KIF16B: variants seen among roughly 807,000 people sequenced by gnomAD.
The protein encoded by KIF16B is kinesin family member 16B.
Under a neutral mutation model 156.3 loss-of-function variants are expected in KIF16B, and 98 were observed. The ratio of observed to expected loss-of-function variants is 0.63; its 90% CI spans 0.53 to 0.74. KIF16B has a LOEUF of 0.74. KIF16B is among the 30% of genes least tolerant of loss of function. The pLI, the probability that KIF16B is intolerant of heterozygous loss-of-function variation, is 0.00. For missense variants in KIF16B, 1,421 were observed against 1,606.5 expected (o/e 0.88, Z 1.97); for synonymous variants, 564 against 583.7 (o/e 0.97, Z 0.49).
intron 25 of KIF16B, among the ~76,000 whole-genome samples, chr20:16,287,423 T>C (rs370982492): frequency 6.6e-6 from 1 of 152,222 alleles, no homozygotes; most frequent in East Asian, 1.9e-4. Context: ...AGCTCCAAGT[T>C]AAAATTCATC....
chr20:16,376,523 A>G (rs1261188486), intron 19 of KIF16B, among the ~76,000 whole-genome samples: 3 of 152,254 alleles, frequency 2.0e-5, no homozygotes, highest in Non-Finnish European at 4.4e-5. Flanking sequence ...GAAGCACAAC[A>G]GAAATTCCCA....
chr20:16,322,058 GAAAC>G (rs1232900244), intron 24 of KIF16B, among the ~76,000 whole-genome samples: 2 of 151,888 alleles, frequency 1.3e-5, no homozygotes, highest in East Asian at 1.9e-4. Context: ...TAAAACACAG[GAAAC>G]AAACAAATGA....
At chr20:16,335,759 T>G (rs111709610) in intron 24 of KIF16B, among the ~76,000 whole-genome samples, 167 bp downstream of exon 24, 2 of 152,118 alleles carry the variant, frequency 1.3e-5, no homozygotes, top group African/African-American at 4.8e-5. Flanking sequence ...AAGAAAAAAT[T>G]TAAAGTTATC....
chr20:16,563,878 T>C (rs1197709029), intron 1 of KIF16B, among the ~76,000 whole-genome samples: 2 of 152,196 alleles, frequency 1.3e-5, no homozygotes, highest in African/African-American at 2.4e-5. Flanking sequence ...TTGCATCATA[T>C]TACTTATAAA....
intron 12 of KIF16B, among the ~76,000 whole-genome samples, chr20:16,441,928 A>T (rs2066811968): frequency 6.6e-6 from 1 of 152,170 alleles, no homozygotes; most frequent in African/African-American, 2.4e-5. Flanking sequence ...CTAAGTCTAT[A>T]TCTGTATTAT....
chr20:16,296,700 A>G (rs1234230530), intron 25 of KIF16B, among the ~76,000 whole-genome samples: 1 of 152,244 alleles, frequency 6.6e-6, no homozygotes, highest in Non-Finnish European at 1.5e-5. Flanking sequence ...AAGCTCAACA[A>G]ATGGAAAAAT....
At chr20:16,404,419 G>T (rs1034951565) in intron 17 of KIF16B, among the ~76,000 whole-genome samples, 4 of 152,092 alleles carry the variant, frequency 2.6e-5, no homozygotes, top group African/African-American at 4.8e-5. Context: ...CCATTGGATG[G>T]CCTAAGAATC....
intron 12 of KIF16B, among the ~76,000 whole-genome samples, chr20:16,432,184 G>T (rs1424011030): frequency 6.6e-6 from 1 of 152,096 alleles, no homozygotes; most frequent in Non-Finnish European, 1.5e-5. Flanking sequence ...GTCTGAAGTA[G>T]AAAGCAGACA....
intron 1 of KIF16B, among the ~76,000 whole-genome samples, chr20:16,540,014 C>T (rs2147224048): frequency 6.6e-6 from 1 of 152,252 alleles, no homozygotes; most frequent in Admixed American, 6.5e-5. Flanking sequence ...ATTTAACTGC[C>T]TTCATTTTAG....
intron 1 of KIF16B, among the ~76,000 whole-genome samples, chr20:16,566,468 G>A (rs929656163): frequency 6.6e-6 from 1 of 152,206 alleles, no homozygotes; most frequent in Non-Finnish European, 1.5e-5. Flanking sequence ...ACTAATTGGC[G>A]AAAGACAGCC....
intron 12 of KIF16B, among the ~76,000 whole-genome samples, chr20:16,452,155 CT>C (rs2067098718): frequency 6.6e-6 from 1 of 152,008 alleles, no homozygotes; most frequent in Non-Finnish European, 1.5e-5. Flanking sequence ...CTGAGAGGAT[CT>C]GAGAATGAAC....
chr20:16,506,475 G>C (rs1342715738), intron 7 of KIF16B, among the ~76,000 whole-genome samples: 1 of 152,132 alleles, frequency 6.6e-6, no homozygotes, highest in African/African-American at 2.4e-5. Flanking sequence ...TAGGCACTGA[G>C]TGGCACTCAG....
At chr20:16,343,988 A>C (rs2064186051) in intron 23 of KIF16B, among the ~76,000 whole-genome samples, 1 of 152,168 alleles carries the variant, frequency 6.6e-6, no homozygotes, top group African/African-American at 2.4e-5. Flanking sequence ...TTTTCCAGCG[A>C]TAACTATGTG....
intron 12 of KIF16B, among the ~76,000 whole-genome samples, chr20:16,469,536 C>G (rs1188316552): frequency 6.9e-6 from 1 of 144,570 alleles, no homozygotes; most frequent in African/African-American, 2.6e-5. Context: ...GATCAAAAAT[C>G]AATCACCTAA....
At chr20:16,377,061 A>C (rs1011208217) in intron 19 of KIF16B, among the ~76,000 whole-genome samples, 1 of 152,204 alleles carries the variant, frequency 6.6e-6, no homozygotes, top group Non-Finnish European at 1.5e-5. Context: ...CTTTTCAGGC[A>C]ATGTGATGGG....
At chr20:16,461,675 G>A (rs1332604570) in intron 12 of KIF16B, among the ~76,000 whole-genome samples, 1 of 152,144 alleles carries the variant, frequency 6.6e-6, no homozygotes, top group Non-Finnish European at 1.5e-5. Flanking sequence ...ATATTTTCCA[G>A]TAATTCCCAA....
intron 17 of KIF16B, among the ~76,000 whole-genome samples, chr20:16,386,951 C>T (rs1360583734): frequency 1.3e-5 from 2 of 152,080 alleles, no homozygotes; most frequent in East Asian, 3.9e-4. Context: ...CCTATAGCAT[C>T]CATAGTACAG....
chr20:16,365,327 C>T (rs1022883726), intron 22 of KIF16B, among the ~76,000 whole-genome samples: 2 of 152,032 alleles, frequency 1.3e-5, no homozygotes, highest in African/African-American at 4.8e-5. Flanking sequence ...GGGAAGATGA[C>T]CTACCAACCA....
intron 17 of KIF16B, among the ~76,000 whole-genome samples, chr20:16,399,333 G>A (rs147864085): frequency 1.0e-3 from 152 of 152,268 alleles, no homozygotes; most frequent in African/African-American, 3.4e-3. Context: ...ACTCATCCAA[G>A]TCTGGCATGT....
Sources: gnomAD v4.1 joint callset for allele counts (sites outside exome capture counted in the v4.1 genomes callset) on GRCh38, gnomAD v4.1.1 for gene constraint, MANE v1.5 for transcripts, NCBI Gene and HGNC (gene_info 2026-07-23, HGNC 2026-07-21) for gene names.